WDR49: variants seen among roughly 807,000 people sequenced by gnomAD.
WDR49 encodes the protein cilia- and flagella-associated protein 337.
In WDR49, 107 loss-of-function variants were observed where a neutral mutation model predicts 119.5. That is an observed-to-expected ratio of 0.90 (90% CI 0.77 to 1.05). WDR49 has a LOEUF of 1.05. Ranked by LOEUF, WDR49 falls within the 50% of genes least tolerant of loss-of-function variation. WDR49 has a pLI of 0.00. For missense variants in WDR49, 1,240 were observed against 1,220.5 expected, an observed-to-expected ratio of 1.02 and a Z score of -0.24; for synonymous variants, 425 against 418.8, an observed-to-expected ratio of 1.01 and a Z score of -0.18.
intron 10 of WDR49, among the ~76,000 whole-genome samples, chr3:167,551,212 C>A (rs996487890): frequency 1.3e-5 from 2 of 151,968 alleles, no homozygotes; most frequent in Non-Finnish European, 2.9e-5. Context: ...TATTGACCTG[C>A]CTGCCATCCA....
At chr3:167,600,343 C>T (rs1192555825) in intron 7 of WDR49, among the ~76,000 whole-genome samples, 4 of 152,066 alleles carry the variant, frequency 2.6e-5, no homozygotes, top group Non-Finnish European at 5.9e-5. Context: ...AGTTGCAGTC[C>T]TTGTGGTCCA....
chr3:167,546,256 T>C (rs997517621), intron 10 of WDR49, among the ~76,000 whole-genome samples: 3 of 151,944 alleles, frequency 2.0e-5, no homozygotes, highest in Non-Finnish European at 4.4e-5. Flanking sequence ...ACATAAAAAA[T>C]AGTCTTTCTG....
At chr3:167,523,063 C>T (rs1752510540) in intron 15 of WDR49, among the ~76,000 whole-genome samples, 1 of 152,100 alleles carries the variant, frequency 6.6e-6, no homozygotes, top group Non-Finnish European at 1.5e-5. Flanking sequence ...TATATCAATA[C>T]ACTTCATGCA....
chr3:167,592,877 A>T lies in WDR49; in HGVS notation c.1275+9250T>A, dbSNP rs548715751. Among the ~76,000 whole-genome samples the T allele has an allele frequency of 3.3e-5, 5 of 152,222 alleles. No homozygotes were observed. The East Asian group carries it at 9.7e-4, about 29-fold the overall frequency. On this transcript the variant is annotated intron_variant, in intron 7 of 18. Transcript: ENST00000682715. ...GTCTTTATTTCTCCATGTTTGAAGG[A>T]TATTTTTGCAAGATATAGTTATTTT...
intron 2 of WDR49, among the ~76,000 whole-genome samples, chr3:167,630,036 T>C (rs1406971911): frequency 2.0e-5 from 3 of 152,148 alleles, no homozygotes; most frequent in Admixed American, 6.6e-5. Context: ...CAGTGGCAAG[T>C]TTTGAGAGTA....
chr3:167,585,402 G>T lies in WDR49; in HGVS notation c.1276-9251C>A, dbSNP rs76863219. 7.0e-3 allele frequency among the ~76,000 whole-genome samples: 1,007 copies of T among 144,374 alleles called. 53 individuals carry two copies. In the East Asian group the frequency reaches 0.14, roughly 20 times the overall value. 94.7% of individuals were successfully genotyped at this position (144,374 alleles called of 152,430 possible). A position where few individuals can be genotyped will look rare whatever the true frequency, so the allele number is the denominator to read the frequency against. Reference sequence around the variant, plus strand: ...GTCTTAAAAGGGTGCGTGTGTGTGTGTGTGTGTGTGTGTGTGTGTGTGTGT... The same window carrying T: ...GTCTTAAAAGGGTGCGTGTGTGTGTTTGTGTGTGTGTGTGTGTGTGTGTGT... On this transcript the variant is annotated intron_variant, in intron 7 of 18. Coordinates refer to ENST00000682715, the MANE Select transcript of WDR49 (RefSeq NM_001366157.1).
At chr3:167,501,825 C>T (rs547197078) in intron 17 of WDR49, among the ~76,000 whole-genome samples, 15 of 152,166 alleles carry the variant, frequency 9.9e-5, no homozygotes, top group South Asian at 4.2e-4. Context: ...GGATTTCTGA[C>T]GAGCAAAAAT....
At chr3:167,562,347 G>C (rs1390131960) in intron 8 of WDR49, among the ~76,000 whole-genome samples, 7 of 152,104 alleles carry the variant, frequency 4.6e-5, no homozygotes, top group African/African-American at 1.7e-4. Context: ...GGGGTACAAA[G>C]GAGGGGAGCA....
intron 10 of WDR49, among the ~76,000 whole-genome samples, chr3:167,551,364 T>C (rs1331402921): frequency 6.6e-6 from 1 of 152,044 alleles, no homozygotes; most frequent in African/African-American, 2.4e-5. Flanking sequence ...GTAAGCTATA[T>C]ATCTGAGTTG....
intron 17 of WDR49, among the ~76,000 whole-genome samples, chr3:167,503,612 C>A (rs1404799767): frequency 1.3e-5 from 2 of 152,186 alleles, no homozygotes; most frequent in Non-Finnish European, 2.9e-5. Flanking sequence ...AGCCTTTAGC[C>A]CGATCGGGAG....
At chr3:167,541,653 T>G (rs1464575515) in intron 10 of WDR49, among the ~76,000 whole-genome samples, 1 of 151,778 alleles carries the variant, frequency 6.6e-6, no homozygotes. Flanking sequence ...ACAACAACAA[T>G]GTATTCAGGC....
chr3:167,479,755 T>C (rs1314989689), intron 18 of WDR49, among the ~76,000 whole-genome samples: 1 of 152,098 alleles, frequency 6.6e-6, no homozygotes, highest in Non-Finnish European at 1.5e-5. Flanking sequence ...TGTATAAACA[T>C]GTAAAAGATA....
At chr3:167,639,536 T>A (rs1305087091) in intron 2 of WDR49, among the ~76,000 whole-genome samples, 1 of 151,804 alleles carries the variant, frequency 6.6e-6, no homozygotes. Flanking sequence ...CAGAAAAATA[T>A]GAGATTGGAA....
In WDR49 at chr3:167,526,910, C is replaced by T. The variant is rs551927864; in HGVS notation, c.2604+910G>A. 5.3e-3 allele frequency among the ~76,000 whole-genome samples: 22 copies of T among 4,162 alleles called. No homozygotes were observed. In the African/African-American group the frequency reaches 0.056, roughly 11 times the overall value. The allele number at this position is 4,162 out of a possible 152,430, so 2.7% of individuals were successfully genotyped here. ...TCAGCTGGCCAAACAGATATTGAGG[C>T]TTCACTTAAACTTATACCAGGTTTG... On this transcript the variant is annotated intron_variant, in intron 15 of 18. Coordinates refer to ENST00000682715, the MANE Select transcript of WDR49 (RefSeq NM_001366157.1).
chr3:167,581,062 C>T (rs140470495), intron 7 of WDR49, among the ~76,000 whole-genome samples: 6 of 152,062 alleles, frequency 3.9e-5, no homozygotes, highest in South Asian at 2.1e-4. Context: ...AGTCCATGAA[C>T]GGGCATGTTT....
chr3:167,596,208 T>C (rs1175741776), intron 7 of WDR49, among the ~76,000 whole-genome samples: 1 of 151,800 alleles, frequency 6.6e-6, no homozygotes, highest in Admixed American at 6.6e-5. Flanking sequence ...ATCATTAAAA[T>C]GTCAGGAAAC....
chr3:167,546,337 A>C (rs1195193368), intron 10 of WDR49, among the ~76,000 whole-genome samples: 1 of 151,958 alleles, frequency 6.6e-6, no homozygotes, highest in Non-Finnish European at 1.5e-5. Flanking sequence ...ACCTAACCTG[A>C]AACTTTCATT....
At chr3:167,569,613 C>T (rs1395192789) in intron 8 of WDR49, among the ~76,000 whole-genome samples, 1 of 151,382 alleles carries the variant, frequency 6.6e-6, no homozygotes, top group African/African-American at 2.4e-5. Flanking sequence ...AGGACAGTCA[C>T]CTGAGGCCAG....
intron 12 of WDR49, among the ~76,000 whole-genome samples, chr3:167,532,385 A>C (rs1752879027): frequency 6.6e-6 from 1 of 152,156 alleles, no homozygotes. Context: ...TGCTCTGCTA[A>C]ACTCCCATAA....
Sources: gnomAD v4.1 joint callset for allele counts (sites outside exome capture counted in the v4.1 genomes callset) on GRCh38, gnomAD v4.1.1 for gene constraint, MANE v1.5 for transcripts, NCBI Gene and HGNC (gene_info 2026-07-23, HGNC 2026-07-21) for gene names.